Variants in OSMR observed in about 807,000 individuals in gnomAD.
OSMR encodes the protein oncostatin M receptor.
A neutral mutation model predicts 99.9 loss-of-function variants in OSMR; 81 were observed. The ratio of observed to expected loss-of-function variants is 0.81; its 90% CI spans 0.68 to 0.97. The LOEUF (loss-of-function observed/expected upper bound fraction) is 0.97, where lower values mean the gene tolerates loss of function less well. Ranked by LOEUF, OSMR falls within the 50% of genes least tolerant of loss-of-function variation. The pLI is 0.00. For missense variants in OSMR, 1,099 were observed against 1,153.4 expected, an observed-to-expected ratio of 0.95 and a Z score of 0.68; for synonymous variants, 406 against 410.4, an observed-to-expected ratio of 0.99 and a Z score of 0.13.
In OSMR at chr5:38,890,961, C is replaced by A. The variant is rs185536260; in HGVS notation, c.991+4771C>A. Among the ~76,000 whole-genome samples, 294 of 152,280 alleles carry A rather than the reference C, an allele frequency of 1.9e-3. 1 individual carries two copies. The highest frequency in any genetic ancestry group is 6.7e-3 in the African/African-American group (280 of 41,544). Reference sequence around the variant, plus strand: ...CTGGGGGAATCCCATTCTATTTGCTCTTAATCTCTCCAGACCAAATGAATC... The same window carrying A: ...CTGGGGGAATCCCATTCTATTTGCTATTAATCTCTCCAGACCAAATGAATC... On this transcript the variant is annotated intron_variant, in intron 7 of 17. Coordinates refer to ENST00000274276, the MANE Select transcript of OSMR (RefSeq NM_003999.3).
At chr5:38,927,596 G>A (rs952295438) in intron 15 of OSMR, among the ~76,000 whole-genome samples, 2 of 152,200 alleles carry the variant, frequency 1.3e-5, no homozygotes, top group Admixed American at 6.5e-5. Context: ...GAGCAGGGCA[G>A]CCCTGGGCTC....
At chr5:38,942,266 AT>A (rs770051263) in intron 1 of OSMR, 3 of 1,188,540 alleles carry the variant, frequency 2.5e-6, no homozygotes, top group Non-Finnish European at 3.7e-6. Flanking sequence ...AAATATGAAT[AT>A]ATATAGTATG....
At chr5:38,928,490 C>T (rs977859335) in intron 15 of OSMR, among the ~76,000 whole-genome samples, 2 of 152,000 alleles carry the variant, frequency 1.3e-5, no homozygotes, top group African/African-American at 4.8e-5. Context: ...CTTCACATGG[C>T]GGCAGGAGAG....
intron 7 of OSMR, among the ~76,000 whole-genome samples, chr5:38,891,744 G>A (rs1409783255): frequency 6.6e-6 from 1 of 152,228 alleles, no homozygotes; most frequent in Non-Finnish European, 1.5e-5. Context: ...GGATCCCTGA[G>A]CAACCTGGTG....
intron 15 of OSMR, among the ~76,000 whole-genome samples, chr5:38,928,405 G>T (rs1241581470): frequency 6.6e-6 from 1 of 152,148 alleles, no homozygotes; most frequent in Non-Finnish European, 1.5e-5. Context: ...GGTTTAAGTG[G>T]CTCACGGTTC....
Position 38,933,339 on chromosome 5 carries a change from T to C in OSMR, c.2835T>C (p.Tyr945=). The change falls in exon 18 of 18, where the codon TAT becomes TAC. Residue 945 remains tyrosine, a synonymous_variant. Transcript: ENST00000274276. The part of the protein sequence containing the change: ...NPVEAPHCSE[Y]KMQMAVSLRL... ...TAGAGGCACCACACTGTTCAGAGTA[T>C]AAAATGCAAATGGCAGTCTCCCTGC... The C allele has an allele frequency of 6.2e-7, 1 of 1,614,176 alleles. No individual in the cohort carries two copies. The highest frequency in any genetic ancestry group is 8.5e-7 in the Non-Finnish European group (1 of 1,180,016).
chr5:38,941,160 T>G (rs1439171842), intron 1 of OSMR: 2 of 232,808 alleles, frequency 8.6e-6, no homozygotes, highest in African/African-American at 2.2e-5. Context: ...TCAACTTAAC[T>G]TCACAAATGG....
intron 1 of OSMR, among the ~76,000 whole-genome samples, chr5:38,851,111 G>T (rs1740314193): frequency 6.6e-6 from 1 of 152,140 alleles, no homozygotes; most frequent in South Asian, 2.1e-4. Flanking sequence ...CTGTCAACTA[G>T]TTTAATCATG....
At chr5:38,898,561 A>G (rs1744674765) in intron 7 of OSMR, among the ~76,000 whole-genome samples, 1 of 152,054 alleles carries the variant, frequency 6.6e-6, no homozygotes, top group Non-Finnish European at 1.5e-5. Flanking sequence ...CAGCCACTCT[A>G]TGTCTTTTGA....
At chr5:38,926,334 G>A (rs2112675118) in intron 15 of OSMR, among the ~76,000 whole-genome samples, 1 of 152,280 alleles carries the variant, frequency 6.6e-6, no homozygotes, top group East Asian at 1.9e-4. Context: ...GGCTGCAGTG[G>A]CAGTGTATTA....
intron 9 of OSMR, among the ~76,000 whole-genome samples, chr5:38,914,724 A>G (rs966455903): frequency 2.0e-5 from 3 of 152,230 alleles, no homozygotes; most frequent in Admixed American, 6.5e-5. Context: ...AAGCGAATTA[A>G]TGCAGGAACA....
intron 1 of OSMR, among the ~76,000 whole-genome samples, chr5:38,857,154 C>A (rs1254776853): frequency 6.6e-6 from 1 of 152,110 alleles, no homozygotes; most frequent in Non-Finnish European, 1.5e-5. Flanking sequence ...ATGTAAAATA[C>A]TCGATATTCT....
At chr5:38,944,659 A>G (rs1450465962) in intron 2 of OSMR, 14 of 1,159,020 alleles carry the variant, frequency 1.2e-5, no homozygotes, top group Non-Finnish European at 1.7e-5. Flanking sequence ...CTTCACCTAA[A>G]GACCTAGAGA....
Position 38,856,521 on chromosome 5 carries a change from T to A in OSMR, c.-14+10134T>A, listed in dbSNP as rs114781662. 4.5e-3 allele frequency among the ~76,000 whole-genome samples: 671 copies of A among 150,030 alleles called. 4 individuals carry two copies. The highest frequency in any genetic ancestry group is 5.8e-3 in the Non-Finnish European group (388 of 67,422). On this transcript the variant is annotated intron_variant, in intron 1 of 17. Transcript: ENST00000274276. ...GTGTCCTGCTTGCCCCTGCCCAACA[T>A]GTGTGAACTGATGACAGAAGAAAAC...
intron 1 of OSMR, among the ~76,000 whole-genome samples, chr5:38,852,167 A>G (rs1740421966): frequency 1.3e-5 from 2 of 152,202 alleles, no homozygotes. Context: ...CTTTGTAGAA[A>G]TGCACCATAA....
intron 9 of OSMR, among the ~76,000 whole-genome samples, chr5:38,906,711 CA>C (rs1181083905): frequency 6.6e-6 from 1 of 151,996 alleles, no homozygotes; most frequent in African/African-American, 2.4e-5. Context: ...AGTGTTGAGT[CA>C]GCAACTAAAA....
chr5:38,884,715 A>G (rs769011272), intron 5 of OSMR, among the ~76,000 whole-genome samples: 1 of 152,198 alleles, frequency 6.6e-6, no homozygotes, highest in African/African-American at 2.4e-5. Flanking sequence ...TCCATCGGAT[A>G]CATTAGTGGA....
chr5:38,929,076 T>A lies in OSMR; in HGVS notation c.2213-2807T>A, dbSNP rs115493260. Among the ~76,000 whole-genome samples the A allele has an allele frequency of 5.4e-3, 815 of 152,016 alleles. 4 individuals carry two copies. Among genetic ancestry groups the A allele is most frequent in the African/African-American group, 0.017 (723 of 41,494 alleles). On this transcript the variant is annotated intron_variant, in intron 15 of 17. Transcript: ENST00000274276. ...AACTTTCCTGAGATTTTACTTTTTT[T>A]AAAAAAAATAGGTATACTATTATGT...
At chr5:38,885,310 A>G in intron 5 of OSMR, 39 bp from the exon 6 acceptor site, 3 of 1,612,690 alleles carry the variant, frequency 1.9e-6, no homozygotes, top group Non-Finnish European at 2.5e-6. Flanking sequence ...TCTTCCAATA[A>G]AAAGATTTAA....
Sources: gnomAD v4.1 joint callset for allele counts (sites outside exome capture counted in the v4.1 genomes callset) on GRCh38, gnomAD v4.1.1 for gene constraint, MANE v1.5 for transcripts, NCBI Gene and HGNC (gene_info 2026-07-23, HGNC 2026-07-21) for gene names.